SYCE1L: variants seen among roughly 807,000 people sequenced by gnomAD.
The protein encoded by SYCE1L is synaptonemal complex central element protein 1-like.
SYCE1L carries 51 observed loss-of-function variants against 39.6 expected under a neutral mutation model. The observed-to-expected ratio is 1.29, with a 90% CI of 1.03 to 1.63. The LOEUF is 1.63. SYCE1L is among the 40% of genes most tolerant of loss of function. SYCE1L has a pLI of 0.00. For synonymous variants in SYCE1L, 147 were observed against 122.4 expected (o/e 1.20, Z -1.33); for missense variants, 426 against 304.9 (o/e 1.40, Z -2.96).
intron 2 of SYCE1L, 91 bp from the exon 3 acceptor site, chr16:77,208,119 T>G: frequency 7.7e-7 from 1 of 1,297,832 alleles, no homozygotes; most frequent in South Asian, 1.4e-5. Flanking sequence ...GCCGGTTAAT[T>G]GATAGCAGCA....
In SYCE1L at chr16:77,213,010, C is replaced by G; in HGVS notation, c.*79C>G. 1 of 1,370,240 alleles carries G rather than the reference C, an allele frequency of 7.3e-7. No homozygotes were observed. Among genetic ancestry groups the G allele is most frequent in the Non-Finnish European group, 9.6e-7 (1 of 1,037,218 alleles). 84.9% of individuals were successfully genotyped at this position (1,370,240 alleles called of 1,614,324 possible). On this transcript the variant is annotated 3_prime_UTR_variant, in exon 11 of 11. Transcript: ENST00000378644. Reference sequence around the variant, plus strand: ...AGGCGATGATTTCCGACCATGCTCGCGTTCTCCGCGGAGTCTGTGCTACAC... The same window carrying G: ...AGGCGATGATTTCCGACCATGCTCGGGTTCTCCGCGGAGTCTGTGCTACAC...
chr16:77,201,721 G>A (rs757403570), intron 1 of SYCE1L: 1 of 152,130 alleles, frequency 6.6e-6, no homozygotes, highest in Non-Finnish European at 1.5e-5. Flanking sequence ...ATGTGTGCAT[G>A]CTGTGGAGTG....
chr16:77,202,968 C>T (rs1313868951), intron 1 of SYCE1L, among the ~76,000 whole-genome samples: 1 of 127,332 alleles, frequency 7.9e-6, no homozygotes, highest in East Asian at 3.6e-4. Flanking sequence ...AGTAGCTTTA[C>T]TTTTTTGTCT....
At position 77,212,620 on chromosome 16, in the gene SYCE1L, C is replaced by A. The variant is rs62049594; in HGVS notation, c.628C>A (p.Pro210Thr). 0.37 allele frequency: 563,784 copies of A among 1,534,380 alleles called. 109,706 individuals carry two copies. Among genetic ancestry groups the A allele is most frequent in the Non-Finnish European group, 0.4 (463,238 of 1,145,822 alleles). Reference protein sequence around the residue: ...EIFGEQVRSAPEVGAGEGEAG... With the variant: ...EIFGEQVRSATEVGAGEGEAG... ...ATTCGGGGAGCAGGTCCGGAGCGCCCCCGAGGTCGGGGCCGGCGAGGGAGA... is the reference window on the plus strand; with the variant it reads ...ATTCGGGGAGCAGGTCCGGAGCGCCACCGAGGTCGGGGCCGGCGAGGGAGA... The change falls in exon 10 of 11, where the codon CCC (proline) becomes ACC (threonine). Residue 210 changes from proline (P) to threonine (T), a missense_variant. By Grantham distance (38) the Pro-to-Thr change is conservative (BLOSUM62 -1). Coordinates refer to ENST00000378644, the MANE Select transcript of SYCE1L (RefSeq NM_001129979.3).
At chr16:77,212,053 G>C in intron 7 of SYCE1L, 77 bp from the exon 8 acceptor site, 2 of 1,454,698 alleles carry the variant, frequency 1.4e-6, no homozygotes, top group Non-Finnish European at 1.8e-6. Context: ...GACTTCGCGA[G>C]AAGCACAAAA....
intron 1 of SYCE1L, chr16:77,199,733 G>T: frequency 2.1e-6 from 1 of 486,790 alleles, no homozygotes; most frequent in Non-Finnish European, 3.6e-6. Flanking sequence ...GTCAACTGTA[G>T]TGTATACGTT....
intron 4 of SYCE1L, among the ~76,000 whole-genome samples, chr16:77,208,793 A>C (rs2054803624): frequency 6.6e-6 from 1 of 152,188 alleles, no homozygotes; most frequent in East Asian, 1.9e-4. Flanking sequence ...TTTGTTTCTT[A>C]AGAGCCTTTA....
chr16:77,206,870 C>A (rs568363032), intron 2 of SYCE1L, among the ~76,000 whole-genome samples: 1 of 152,148 alleles, frequency 6.6e-6, no homozygotes, highest in South Asian at 2.1e-4. Flanking sequence ...AATGGAAATG[C>A]AGTTGGTTTT....
chr16:77,208,422 A>G (rs1166247232), intron 3 of SYCE1L, 43 bp from the exon 4 acceptor site: 3 of 1,550,300 alleles, frequency 1.9e-6, no homozygotes, highest in East Asian at 2.4e-5. Context: ...CAGCAAGGCT[A>G]GAGACTACAC....
In SYCE1L at chr16:77,212,324, T is replaced by G. The variant is rs1312831234; in HGVS notation, c.536T>G (p.Leu179Arg). 2 of 1,522,020 alleles carry G rather than the reference T, an allele frequency of 1.3e-6. No homozygotes were observed. Among genetic ancestry groups the G allele is most frequent in the Non-Finnish European group, 1.8e-6 (2 of 1,136,786 alleles). The allele number at this position is 1,522,020 out of a possible 1,614,324, so 94.3% of individuals were successfully genotyped here. A position where few individuals can be genotyped will look rare whatever the true frequency, so the allele number is the denominator to read the frequency against. Residue 179 changes from leucine (L) to arginine (R), a missense_variant, in exon 9 of 11, where the codon CTG becomes CGG. By Grantham distance (102) the Leu-to-Arg change is moderately radical. Transcript: ENST00000378644. ...RAKLREVERR[L>R]HSPPEVEGAM... Reference sequence around the variant, plus strand: ...AAGCTGCGGGAGGTGGAGCGGCGGCTGCACTCGCCGCCTGAGGTCGAGGGC... The same window carrying G: ...AAGCTGCGGGAGGTGGAGCGGCGGCGGCACTCGCCGCCTGAGGTCGAGGGC...
intron 1 of SYCE1L, chr16:77,200,121 G>C (rs2142507305): frequency 6.6e-6 from 1 of 150,600 alleles, no homozygotes; most frequent in Non-Finnish European, 1.5e-5. Flanking sequence ...CACGAGGTTA[G>C]GAGTTCGAGG....
At chr16:77,207,187 T>G (rs1390572887) in intron 2 of SYCE1L, among the ~76,000 whole-genome samples, 1 of 152,162 alleles carries the variant, frequency 6.6e-6, no homozygotes, top group Non-Finnish European at 1.5e-5. Flanking sequence ...TTTCTGTCAG[T>G]CATAATCAGC....
chr16:77,207,136 T>G (rs2142516334), intron 2 of SYCE1L, among the ~76,000 whole-genome samples: 1 of 152,280 alleles, frequency 6.6e-6, no homozygotes, highest in South Asian at 2.1e-4. Flanking sequence ...AATGCAGTGA[T>G]CCAACCTGAT....
chr16:77,211,715 C>A (rs956840422), intron 7 of SYCE1L, among the ~76,000 whole-genome samples: 1 of 152,020 alleles, frequency 6.6e-6, no homozygotes, highest in Non-Finnish European at 1.5e-5. Context: ...GGTGGAGGCA[C>A]CAAGAAAGTT....
intron 7 of SYCE1L, among the ~76,000 whole-genome samples, 166 bp from the exon 8 acceptor site, chr16:77,211,964 G>A (rs1350595833): frequency 6.6e-6 from 1 of 152,112 alleles, no homozygotes; most frequent in African/African-American, 2.4e-5. Flanking sequence ...GGGGGAGGTG[G>A]GTGGGTCTCC....
chr16:77,212,850 C>G lies in SYCE1L; in HGVS notation c.655-7C>G. ...CCTGGTCCGCAGCCTCACCCAGCCCCCGGCAGGCCGGACCTGAGCTCCCCC... is the reference window on the plus strand; with the variant it reads ...CCTGGTCCGCAGCCTCACCCAGCCCGCGGCAGGCCGGACCTGAGCTCCCCC... On this transcript the variant is annotated splice_region_variant and splice_polypyrimidine_tract_variant and intron_variant, in intron 10 of 10. Transcript: ENST00000378644. 2 of 1,488,582 alleles carry G rather than the reference C, an allele frequency of 1.3e-6. No individual in the cohort carries two copies. Among genetic ancestry groups the G allele is most frequent in the East Asian group, 2.6e-5 (1 of 38,602 alleles). 92.2% of individuals were successfully genotyped at this position (1,488,582 alleles called of 1,614,324 possible).
intron 10 of SYCE1L, 41 bp downstream of exon 10, chr16:77,212,687 G>C: frequency 6.7e-7 from 1 of 1,495,304 alleles, no homozygotes. Flanking sequence ...GGCAGGGACC[G>C]AGTCAGGAGA....
At chr16:77,205,399 AAC>A (rs2054778876) in intron 1 of SYCE1L, among the ~76,000 whole-genome samples, 1 of 125,604 alleles carries the variant, frequency 8.0e-6, no homozygotes, top group South Asian at 2.6e-4. Flanking sequence ...TTTTAGAAGT[AAC>A]ACAGGCTCAT....
rs756336837 is a variant in SYCE1L, at chr16:77,212,151, C to T, written c.445C>T (p.Arg149Trp). The change falls in exon 8 of 11, where the codon CGG (arginine) becomes TGG (tryptophan). Residue 149 changes from arginine (R) to tryptophan (W), a missense_variant. By Grantham distance (101) the Arg-to-Trp change is moderately radical. Coordinates refer to ENST00000378644, the MANE Select transcript of SYCE1L (RefSeq NM_001129979.3). Reference protein sequence around the residue: ...EFHMLEQRLAREIRALERSKE... With the variant: ...EFHMLEQRLAWEIRALERSKE... ...GCAGATGCTGGAGCAGCGACTGGCCCGGGAGATCCGTGCCCTGGAGAGAAG... is the reference window on the plus strand; with the variant it reads ...GCAGATGCTGGAGCAGCGACTGGCCTGGGAGATCCGTGCCCTGGAGAGAAG... The T allele has an allele frequency of 4.3e-5, 66 of 1,548,656 alleles. No individual in the cohort carries two copies. The highest frequency in any genetic ancestry group is 1.2e-4 in the South Asian group (10 of 83,954).
Sources: gnomAD v4.1 joint callset for allele counts (sites outside exome capture counted in the v4.1 genomes callset) on GRCh38, gnomAD v4.1.1 for gene constraint, MANE v1.5 for transcripts, NCBI Gene and HGNC (gene_info 2026-07-23, HGNC 2026-07-21) for gene names.